The following ROBO2 variants were observed in gnomAD, a reference collection of about 807,000 sequenced individuals.
ROBO2 encodes roundabout homolog 2.
ROBO2 carries 53 observed loss-of-function variants against 160.8 expected under a neutral mutation model. The ratio of observed to expected loss-of-function variants is 0.33; its 90% CI spans 0.26 to 0.41. ROBO2 has a LOEUF of 0.41. Ranked by LOEUF, ROBO2 falls within the 10% of genes least tolerant of loss-of-function variation. The pLI, the probability that ROBO2 is intolerant of heterozygous loss-of-function variation, is 1.00. For synonymous variants in ROBO2, 664 were observed against 611.7 expected (o/e 1.09, Z -1.26); for missense variants, 1,577 against 1,722.4 (o/e 0.92, Z 1.49).
At position 76,896,132 on chromosome 3, in the gene ROBO2, A is replaced by T. The variant is rs554461593; in HGVS notation, c.110-201882A>T. On this transcript the variant is annotated intron_variant, in intron 2 of 26. Coordinates refer to the ROBO2 transcript ENST00000487694. ...AAGAAAAACCCATTCCTGACCTTTC[A>T]CCCACATATGAGCCTCTTATTATCT... Among the ~76,000 whole-genome samples, 4 of 152,270 alleles carry T rather than the reference A, an allele frequency of 2.6e-5. No homozygotes were observed. The South Asian group carries it at 8.3e-4, about 32-fold the overall frequency.
At chr3:77,159,833 A>C (rs2078330597) in intron 2 of ROBO2, among the ~76,000 whole-genome samples, 2 of 152,158 alleles carry the variant, frequency 1.3e-5, no homozygotes, top group Admixed American at 6.6e-5. Context: ...CTGAAAAGTA[A>C]GGTAATTACC....
chr3:76,731,675 T>C (rs2093639898), intron 2 of ROBO2, among the ~76,000 whole-genome samples: 1 of 152,186 alleles, frequency 6.6e-6, no homozygotes, highest in Non-Finnish European at 1.5e-5. Flanking sequence ...TAGAAAGAAC[T>C]CTGCAATTAA....
chr3:77,445,366 A>G (rs916803600), intron 2 of ROBO2, among the ~76,000 whole-genome samples: 7 of 152,172 alleles, frequency 4.6e-5, no homozygotes, highest in African/African-American at 1.7e-4. Flanking sequence ...AATAGGATAT[A>G]TATTAAACAG....
chr3:77,458,559 A>ACCATCAGCTT (rs1420591515), intron 2 of ROBO2, among the ~76,000 whole-genome samples: 3 of 150,746 alleles, frequency 2.0e-5, no homozygotes, highest in Non-Finnish European at 4.4e-5. Context: ...CAATTCACTC[A>ACCATCAGCTT]CCATCAGCTT....
chr3:77,622,269 A>G (rs1583337175), exon 23 of ROBO2: 1 of 1,614,136 alleles, frequency 6.2e-7, no homozygotes, highest in Non-Finnish European at 8.5e-7. Flanking sequence ...CTCCAGTTCC[A>G]CCGTTAGGTT....
chr3:77,236,968 G>A (rs866150057), intron 2 of ROBO2, among the ~76,000 whole-genome samples: 5 of 152,036 alleles, frequency 3.3e-5, no homozygotes, highest in African/African-American at 1.2e-4. Context: ...CAACCTCCTG[G>A]GCTCAAGCAA....
chr3:76,063,527 G>A (rs78581900), intron 2 of ROBO2, among the ~76,000 whole-genome samples: 1 of 145,824 alleles, frequency 6.9e-6, no homozygotes, highest in Non-Finnish European at 1.5e-5. Flanking sequence ...TTTTTTTTTT[G>A]TAGAGATGAG....
rs543021728 is a variant in ROBO2, at chr3:77,499,864, G to A, written c.806+6482G>A. ...GGATTTCACCATGTTGGCCAGGCTCGTCTGGAACTTCTGACCTCATGATCC... is the reference window on the plus strand; with the variant it reads ...GGATTTCACCATGTTGGCCAGGCTCATCTGGAACTTCTGACCTCATGATCC... On this transcript the variant is annotated intron_variant, in intron 5 of 25. Transcript: ENST00000461745. 5.3e-5 allele frequency among the ~76,000 whole-genome samples: 8 copies of A among 151,924 alleles called. No homozygotes were observed. In the South Asian group the frequency reaches 6.2e-4, roughly 12 times the overall value.
intron 2 of ROBO2, among the ~76,000 whole-genome samples, chr3:76,490,668 T>A (rs1352430246): frequency 6.6e-6 from 1 of 152,076 alleles, no homozygotes; most frequent in Non-Finnish European, 1.5e-5. Flanking sequence ...TTTTTTAATT[T>A]AAAAAAATGC....
At chr3:76,470,982 C>T (rs2078623743) in intron 2 of ROBO2, among the ~76,000 whole-genome samples, 1 of 150,550 alleles carries the variant, frequency 6.6e-6, no homozygotes, top group Non-Finnish European at 1.5e-5. Flanking sequence ...CTTATATGCT[C>T]TTCTACAAGA....
At position 77,043,485 on chromosome 3, in the gene ROBO2, G is replaced by C. The variant is rs185617379; in HGVS notation, c.61+2639G>C. Among the ~76,000 whole-genome samples, 13 of 152,194 alleles carry C rather than the reference G, an allele frequency of 8.5e-5. No homozygotes were observed. In the East Asian group the frequency reaches 2.3e-3, roughly 27 times the overall value. On this transcript the variant is annotated intron_variant, in intron 1 of 25. Coordinates refer to ENST00000461745, the Ensembl canonical transcript of ROBO2. ...TGCTAATATTATTTATAATTTTTCA[G>C]TATTGTGTCCCTGTAGCAATCCATA...
At chr3:77,167,833 T>TTGGACAAC (rs2079240395) in intron 2 of ROBO2, among the ~76,000 whole-genome samples, 1 of 152,192 alleles carries the variant, frequency 6.6e-6, no homozygotes, top group Non-Finnish European at 1.5e-5. Flanking sequence ...CCATTAGTTA[T>TTGGACAAC]TGGACAACTG....
intron 2 of ROBO2, among the ~76,000 whole-genome samples, chr3:75,960,798 GAAAAA>G (rs1053293382): frequency 6.5e-4 from 98 of 150,886 alleles, no homozygotes; most frequent in Admixed American, 2.5e-3. Flanking sequence ...ATTTCTAAAA[GAAAAA>G]AAGAGAACTT....
intron 2 of ROBO2, among the ~76,000 whole-genome samples, chr3:76,004,840 T>G (rs992032140): frequency 3.9e-5 from 6 of 152,310 alleles, no homozygotes; most frequent in African/African-American, 1.4e-4. Flanking sequence ...TTTGTCAAAA[T>G]TCATCAAAAT....
At chr3:77,599,468 AG>A (rs1405662779) in intron 19 of ROBO2, among the ~76,000 whole-genome samples, 9 of 124,108 alleles carry the variant, frequency 7.3e-5, no homozygotes, top group African/African-American at 2.8e-4. Context: ...GGACACAGGA[AG>A]GGGAACATCA....
intron 2 of ROBO2, among the ~76,000 whole-genome samples, chr3:76,766,906 A>G (rs1256067697): frequency 6.6e-6 from 1 of 151,622 alleles, no homozygotes; most frequent in African/African-American, 2.4e-5. Flanking sequence ...CTGAATGACA[A>G]TAGAAAAGCA....
At chr3:77,268,193 GT>G (rs2059258453) in intron 2 of ROBO2, among the ~76,000 whole-genome samples, 3 of 152,148 alleles carry the variant, frequency 2.0e-5, no homozygotes. Context: ...AACATTTAAT[GT>G]TTTTTAATTA....
chr3:76,258,319 C>A (rs1706532939), intron 2 of ROBO2, among the ~76,000 whole-genome samples: 1 of 151,814 alleles, frequency 6.6e-6, no homozygotes, highest in Non-Finnish European at 1.5e-5. Flanking sequence ...ATCACTAATC[C>A]TCAATAGCAA....
At chr3:75,944,953 G>C (rs551102469) in intron 2 of ROBO2, among the ~76,000 whole-genome samples, 1 of 152,130 alleles carries the variant, frequency 6.6e-6, no homozygotes, top group Admixed American at 6.6e-5. Flanking sequence ...TTATTTAACT[G>C]TTGCTTTTCA....
Sources: allele counts gnomAD v4.1 joint callset (sites outside exome capture counted in the v4.1 genomes callset), GRCh38; gene constraint gnomAD v4.1.1; transcripts MANE v1.5; gene names NCBI Gene and HGNC (gene_info 2026-07-23, HGNC 2026-07-21).